The following CELF2 variants were observed in gnomAD, a reference collection of about 807,000 sequenced individuals.
CELF2 encodes CUG triplet repeat RNA-binding protein 2.
In CELF2, 8 loss-of-function variants were observed where a neutral mutation model predicts 62.6. The observed-to-expected ratio is 0.13, with a 90% CI of 0.07 to 0.23. CELF2 has a LOEUF of 0.23. CELF2 is among the 10% of genes least tolerant of loss of function. CELF2 has a pLI of 1.00. For missense variants in CELF2, 333 were observed against 671.0 expected (o/e 0.50, Z 5.56); for synonymous variants, 258 against 250.0 (o/e 1.03, Z -0.30).
chr10:11,294,130 T>A (rs943903512), intron 9 of CELF2, among the ~76,000 whole-genome samples: 1 of 152,222 alleles, frequency 6.6e-6, no homozygotes, highest in African/African-American at 2.4e-5. Context: ...TTACAAATAG[T>A]GGCTTTCAAA....
At chr10:10,869,373 C>T (rs2060586429) in intron 1 of CELF2, among the ~76,000 whole-genome samples, 1 of 152,036 alleles carries the variant, frequency 6.6e-6, no homozygotes, top group South Asian at 2.1e-4. Flanking sequence ...ACCAGCCTGG[C>T]CAACACAGTG....
chr10:11,184,209 A>G (rs2074246701), intron 2 of CELF2, among the ~76,000 whole-genome samples: 1 of 152,176 alleles, frequency 6.6e-6, no homozygotes. Context: ...TTGTCTGTAT[A>G]TGTGTCAGTT....
Position 10,906,166 on chromosome 10 carries a change from CTAACTATT to C in CELF2, c.54-13795_54-13788del, listed in dbSNP as rs553394905. Among the ~76,000 whole-genome samples the C allele has an allele frequency of 3.2e-3, 435 of 134,494 alleles. 1 individual carries two copies. The highest frequency in any genetic ancestry group is 0.012 in the Middle Eastern group (3 of 260). 88.2% of individuals were successfully genotyped at this position (134,494 alleles called of 152,430 possible). ...CTCATTCCCAACATGCATAGGCTGTCTAACTATTTATTTCCCAGGTCTGCTAATTCAAC... is the reference window on the plus strand; with the variant it reads ...CTCATTCCCAACATGCATAGGCTGTCTATTTCCCAGGTCTGCTAATTCAAC... On this transcript the variant is annotated intron_variant, in intron 1 of 13. Coordinates refer to the CELF2 transcript ENST00000636488.
the CELF2 span, among the ~76,000 whole-genome samples, chr10:10,631,769 A>G: frequency 6.6e-6 from 1 of 152,176 alleles, no homozygotes; most frequent in African/African-American, 2.4e-5. Context: ...TCTACTCACA[A>G]TGGAAAAATA....
In CELF2 at chr10:11,296,626, G is replaced by A. The variant is rs781275374; in HGVS notation, c.976+8074G>A. 6.6e-6 allele frequency among the ~76,000 whole-genome samples: 1 copy of A among 152,084 alleles called. No individual in the cohort carries two copies. The highest frequency in any genetic ancestry group is 1.5e-5 in the Non-Finnish European group (1 of 68,026). ...AAATGGAAATTTTTAGTTCAGATGT[G>A]GTTTAATCCCGAGAACCCGTCACCA... is the stretch of plus-strand genomic sequence containing the variant. On this transcript the variant is annotated intron_variant, in intron 9 of 12. Coordinates refer to ENST00000633077, the MANE Select transcript of CELF2 (RefSeq NM_001326342.2). This position sits in a 1 kb window ranked among gnomAD's most constrained non-coding sequence, Gnocchi z 5.0.
At chr10:11,062,900 GT>G (rs1402505155) in intron 1 of CELF2, among the ~76,000 whole-genome samples, 1 of 150,136 alleles carries the variant, frequency 6.7e-6, no homozygotes, top group Admixed American at 6.6e-5. Context: ...AAACTTCATG[GT>G]TGTCCTGTTT....
In CELF2 at chr10:11,046,053, G is replaced by T. The variant is rs2062777436; in HGVS notation, c.74+27890G>T. Among the ~76,000 whole-genome samples the T allele has an allele frequency of 6.6e-6, 1 of 152,208 alleles. No homozygotes were observed. Among genetic ancestry groups the T allele is most frequent in the African/African-American group, 2.4e-5 (1 of 41,442 alleles). On this transcript the variant is annotated intron_variant, in intron 1 of 12. Transcript: ENST00000633077. This position sits in a 1 kb window ranked among gnomAD's most constrained non-coding sequence, Gnocchi z 4.6. ...TTTTTAAAGGCAACGACTCGCTCAT[G>T]AAGAGTTTGAACATACAGGGAGACC...
At chr10:11,099,454 G>A (rs1220458433) in intron 1 of CELF2, among the ~76,000 whole-genome samples, 2 of 152,110 alleles carry the variant, frequency 1.3e-5, no homozygotes, top group African/African-American at 2.4e-5. Context: ...CCTTGGGGTC[G>A]ATTCTTTTCT....
In CELF2 at chr10:11,314,448, C is replaced by A; in HGVS notation, c.1096+190C>A. ...CGTTTTGCCTCAGAAAATCCCCAAC[C>A]ACTCTCCACCCCCAGATTCTCTTCA... On this transcript the variant is annotated intron_variant, in intron 10 of 12. Coordinates refer to ENST00000633077, the MANE Select transcript of CELF2 (RefSeq NM_001326342.2). This position sits in a 1 kb window ranked among gnomAD's most constrained non-coding sequence, Gnocchi z 5.3. 1.4e-6 allele frequency: 1 copy of A among 699,090 alleles called. No individual in the cohort carries two copies. Among genetic ancestry groups the A allele is most frequent in the Non-Finnish European group, 2.5e-6 (1 of 393,172 alleles). 43.3% of individuals were successfully genotyped at this position (699,090 alleles called of 1,614,324 possible). A position where few individuals can be genotyped will look rare whatever the true frequency, so the allele number is the denominator to read the frequency against.
At chr10:10,955,460 A>C (rs1190272358) in intron 2 of CELF2, among the ~76,000 whole-genome samples, 2 of 152,210 alleles carry the variant, frequency 1.3e-5, no homozygotes, top group Non-Finnish European at 2.9e-5. Flanking sequence ...GTTATCTCAG[A>C]GCTCCTTGAG....
chr10:11,122,157 T>G (rs1266133205), intron 1 of CELF2, among the ~76,000 whole-genome samples: 1 of 152,236 alleles, frequency 6.6e-6, no homozygotes, highest in Non-Finnish European at 1.5e-5. Flanking sequence ...TGCATAGCAC[T>G]ATTCGTTATT....
intron 8 of CELF2, among the ~76,000 whole-genome samples, chr10:11,279,420 G>A (rs2139118263): frequency 6.6e-6 from 1 of 152,302 alleles, no homozygotes. Flanking sequence ...TGCAAAAACA[G>A]TGTATCGGAG....
At chr10:11,160,453 G>A (rs1487769436) in intron 1 of CELF2, among the ~76,000 whole-genome samples, 1 of 151,862 alleles carries the variant, frequency 6.6e-6, no homozygotes, top group Non-Finnish European at 1.5e-5. Flanking sequence ...ACTCTAATCA[G>A]TAAAAAACAA....
rs74115819 is a variant in CELF2 at position 11,288,953 on chromosome 10, A to T, written c.976+401A>T. 2.7e-3 allele frequency among the ~76,000 whole-genome samples: 411 copies of T among 152,324 alleles called. 5 individuals carry two copies. The highest frequency in any genetic ancestry group is 9.4e-3 in the African/African-American group (390 of 41,568). On this transcript the variant is annotated intron_variant, in intron 9 of 12. Coordinates refer to ENST00000633077, the MANE Select transcript of CELF2 (RefSeq NM_001326342.2). ...TGTTTCAAAATTCCTAGTCATTCCC[A>T]TGTCACATTTCACAGCAACTCCATC...
the CELF2 span, among the ~76,000 whole-genome samples, chr10:10,618,946 T>C: frequency 1.3e-5 from 2 of 152,160 alleles, no homozygotes; most frequent in Non-Finnish European, 2.9e-5. Context: ...GGTGTGCTGT[T>C]TGCATAGCAT....
chr10:11,166,626 G>A (rs1360008953), intron 2 of CELF2, among the ~76,000 whole-genome samples: 2 of 152,074 alleles, frequency 1.3e-5, no homozygotes, highest in Non-Finnish European at 2.9e-5. Flanking sequence ...TGTTCTGCGG[G>A]CCTCACAGTT....
chr10:11,037,619 TTAAG>T (rs1202106585), intron 1 of CELF2, among the ~76,000 whole-genome samples: 11 of 152,152 alleles, frequency 7.2e-5, no homozygotes, highest in African/African-American at 2.7e-4. Flanking sequence ...CAACAGTTTA[TTAAG>T]AGTGTAACAA....
chr10:10,729,063 A>T, the CELF2 span, among the ~76,000 whole-genome samples: 2 of 152,218 alleles, frequency 1.3e-5, no homozygotes, highest in African/African-American at 4.8e-5. Context: ...ATAAAAAGAA[A>T]ATTAAACAAT....
At chr10:11,066,816 G>A (rs1427725904) in intron 1 of CELF2, among the ~76,000 whole-genome samples, 2 of 152,046 alleles carry the variant, frequency 1.3e-5, no homozygotes, top group Non-Finnish European at 2.9e-5. Context: ...GCCAGGGTGT[G>A]GGGGGAGCTA....
Sources: gnomAD v4.1 joint callset for allele counts (sites outside exome capture counted in the v4.1 genomes callset) on GRCh38, gnomAD v4.1.1 for gene constraint, Gnocchi (gnomAD v3.1) non-coding constraint, MANE v1.5 for transcripts, NCBI Gene and HGNC (gene_info 2026-07-23, HGNC 2026-07-21) for gene names.